ITGA9: variants seen among roughly 807,000 people sequenced by gnomAD.
ITGA9 encodes the protein integrin alpha-9.
In ITGA9, 56 loss-of-function variants were observed where a neutral mutation model predicts 127.8. The ratio of observed to expected loss-of-function variants is 0.44; its 90% CI spans 0.35 to 0.55. The LOEUF (loss-of-function observed/expected upper bound fraction) is 0.55, where lower values mean the gene tolerates loss of function less well. Among genes scored for constraint, ITGA9 ranks in the 20% least tolerant of loss-of-function variants. The pLI is 0.00. For synonymous variants in ITGA9, 508 were observed against 514.5 expected, an observed-to-expected ratio of 0.99 and a Z score of 0.17; for missense variants, 1,196 against 1,347.1, an observed-to-expected ratio of 0.89 and a Z score of 1.76.
At chr3:37,661,688 C>T (rs1029122703) in intron 17 of ITGA9, among the ~76,000 whole-genome samples, 3 of 152,160 alleles carry the variant, frequency 2.0e-5, no homozygotes, top group Non-Finnish European at 2.9e-5. Flanking sequence ...TGGAATGTGC[C>T]CTCCTTTCTT....
At position 37,761,220 on chromosome 3, in the gene ITGA9, A is replaced by T. The variant is rs537485438; in HGVS notation, c.2541+10651A>T. The stretch of plus-strand genomic sequence containing the variant: ...GGCAAAAATCTAAAAAATTGTTAAG[A>T]TCCATTGTTGGTTAAGATGAAGAGA... On this transcript the variant is annotated intron_variant, in intron 23 of 27. Transcript: ENST00000264741. Among the ~76,000 whole-genome samples the T allele has an allele frequency of 8.5e-5, 13 of 152,346 alleles. 1 individual carries two copies. In the South Asian group the frequency reaches 2.7e-3, roughly 32 times the overall value.
chr3:37,494,912 G>A (rs1004966007), intron 5 of ITGA9, among the ~76,000 whole-genome samples: 1 of 152,192 alleles, frequency 6.6e-6, no homozygotes, highest in Non-Finnish European at 1.5e-5. Context: ...CATCATTGGC[G>A]GCTGTGCAGA....
At chr3:37,478,741 C>T (rs1032406648) in intron 3 of ITGA9, among the ~76,000 whole-genome samples, 7 of 152,204 alleles carry the variant, frequency 4.6e-5, no homozygotes, top group African/African-American at 1.7e-4. Context: ...ACACAGTCTT[C>T]TCTTTCTGTA....
chr3:37,546,228 T>C (rs1699325241), intron 15 of ITGA9, among the ~76,000 whole-genome samples: 1 of 152,170 alleles, frequency 6.6e-6, no homozygotes, highest in African/African-American at 2.4e-5. Context: ...TTTCATTGTT[T>C]GTCAAAGTTG....
intron 16 of ITGA9, among the ~76,000 whole-genome samples, chr3:37,637,821 C>G (rs769462840): frequency 6.6e-6 from 1 of 152,106 alleles, no homozygotes; most frequent in Non-Finnish European, 1.5e-5. Context: ...TACAGGTGCA[C>G]GCCACTATGC....
intron 17 of ITGA9, among the ~76,000 whole-genome samples, chr3:37,682,413 C>A (rs1310544076): frequency 2.0e-5 from 3 of 152,230 alleles, no homozygotes; most frequent in African/African-American, 7.2e-5. Flanking sequence ...TGAGACTGTC[C>A]TCTGTGACCA....
At chr3:37,818,545 G>A (rs758262714) in intron 27 of ITGA9, 2 of 319,602 alleles carry the variant, frequency 6.3e-6, no homozygotes, top group Non-Finnish European at 1.2e-5. Context: ...TTACAGGCGT[G>A]AGCCACTGCG....
intron 8 of ITGA9, among the ~76,000 whole-genome samples, chr3:37,511,529 C>T (rs1431362286): frequency 3.3e-5 from 5 of 152,336 alleles, no homozygotes; most frequent in Middle Eastern, 3.4e-3. Flanking sequence ...CCCTGGGGCT[C>T]AGCCAGTGAG....
intron 9 of ITGA9, among the ~76,000 whole-genome samples, chr3:37,514,325 G>C (rs1275967121): frequency 6.6e-6 from 1 of 152,194 alleles, no homozygotes; most frequent in Admixed American, 6.5e-5. Context: ...TGGCTTTAGA[G>C]CTGGCATGCT....
chr3:37,563,426 A>G (rs1699514307), intron 15 of ITGA9, among the ~76,000 whole-genome samples: 1 of 152,194 alleles, frequency 6.6e-6, no homozygotes, highest in Non-Finnish European at 1.5e-5. Flanking sequence ...ATTTTTAACC[A>G]GGCTTTCTCA....
chr3:37,554,981 G>C (rs533626866), intron 15 of ITGA9, among the ~76,000 whole-genome samples: 1 of 152,264 alleles, frequency 6.6e-6, no homozygotes, highest in African/African-American at 2.4e-5. Context: ...GGTATTTAAT[G>C]CCAGGAGATT....
At chr3:37,478,768 A>G (rs1698521041) in intron 3 of ITGA9, among the ~76,000 whole-genome samples, 1 of 152,226 alleles carries the variant, frequency 6.6e-6, no homozygotes, top group Admixed American at 6.5e-5. Flanking sequence ...ATTCAGAGAC[A>G]CTTTGCATTG....
At chr3:37,530,369 G>C (rs569451395) in intron 13 of ITGA9, among the ~76,000 whole-genome samples, 10 of 152,318 alleles carry the variant, frequency 6.6e-5, no homozygotes, top group African/African-American at 1.7e-4. Flanking sequence ...AGCACACATA[G>C]ATATATATTG....
chr3:37,702,541 GT>G (rs533991489), intron 18 of ITGA9, among the ~76,000 whole-genome samples: 1 of 151,978 alleles, frequency 6.6e-6, no homozygotes, highest in Non-Finnish European at 1.5e-5. Flanking sequence ...GCTCTGTTCT[GT>G]TTGCAGTGAC....
At chr3:37,695,814 G>T (rs999353154) in intron 18 of ITGA9, among the ~76,000 whole-genome samples, 3 of 152,232 alleles carry the variant, frequency 2.0e-5, no homozygotes, top group African/African-American at 7.2e-5. Flanking sequence ...GCTGATCCTT[G>T]TGAGACTTTT....
chr3:37,784,930 A>G, intron 25 of ITGA9, 47 bp from the exon 26 acceptor site: 1 of 1,495,708 alleles, frequency 6.7e-7, no homozygotes, highest in Non-Finnish European at 9.3e-7. Flanking sequence ...AGGCCCAGCC[A>G]TTATCATAGA....
chr3:37,794,294 C>T (rs536128096), intron 26 of ITGA9, among the ~76,000 whole-genome samples: 6 of 152,286 alleles, frequency 3.9e-5, no homozygotes, highest in South Asian at 4.1e-4. Flanking sequence ...TGCCTGTTGG[C>T]GAGCCCTGAG....
intron 8 of ITGA9, among the ~76,000 whole-genome samples, chr3:37,512,213 C>CTTTTT (rs1458294269): frequency 1.5e-5 from 1 of 66,618 alleles, no homozygotes; most frequent in Non-Finnish European, 3.0e-5. Flanking sequence ...TCTTTTCTTT[C>CTTTTT]TTTCTTTCTT....
chr3:37,779,914 C>T lies in ITGA9; in HGVS notation c.2680C>T (p.Pro894Ser). 1 of 1,613,964 alleles carries T rather than the reference C, an allele frequency of 6.2e-7. No homozygotes were observed. Among genetic ancestry groups the T allele is most frequent in the Non-Finnish European group, 8.5e-7 (1 of 1,179,888 alleles). ...SGRKVLDCEKPGISCLTAHCN... is the reference protein window; with the variant it reads ...SGRKVLDCEKSGISCLTAHCN... ...CTTTTCTTCTCAGGACTGTGAAAAA[C>T]CAGGAATTTCTTGCCTAACAGCACA... Residue 894 changes from proline to serine, a missense_variant, in exon 25 of 28, where the codon CCA becomes TCA. Physicochemically the swap from Pro to Ser is moderately conservative, Grantham distance 74 (BLOSUM62 -1). Transcript: ENST00000264741.
Sources: gnomAD v4.1 joint callset for allele counts (sites outside exome capture counted in the v4.1 genomes callset) on GRCh38, gnomAD v4.1.1 for gene constraint, MANE v1.5 for transcripts, NCBI Gene and HGNC (gene_info 2026-07-23, HGNC 2026-07-21) for gene names.